Variants in CDH13 observed in about 807,000 individuals in gnomAD.
CDH13 encodes the protein cadherin 13.
In CDH13, 24 loss-of-function variants were observed where a neutral mutation model predicts 63.8. That is an observed-to-expected ratio of 0.38 (90% CI 0.27 to 0.53). The LOEUF is 0.53. Among genes scored for constraint, CDH13 ranks in the 20% least tolerant of loss-of-function variants. The pLI, the probability that CDH13 is intolerant of heterozygous loss-of-function variation, is 0.85. For missense variants in CDH13, 1,049 were observed against 903.1 expected (o/e 1.16, Z -2.07); for synonymous variants, 503 against 355.3 (o/e 1.42, Z -4.67).
intron 4 of CDH13, among the ~76,000 whole-genome samples, chr16:83,126,026 C>G (rs1024810192): frequency 2.0e-5 from 3 of 152,230 alleles, no homozygotes; most frequent in Admixed American, 6.5e-5. Flanking sequence ...GAAATAGTCA[C>G]TGTTAAATGT....
At chr16:83,611,525 G>A (rs942668743) in intron 8 of CDH13, among the ~76,000 whole-genome samples, 5 of 151,100 alleles carry the variant, frequency 3.3e-5, no homozygotes, top group African/African-American at 1.2e-4. Flanking sequence ...TTTCTCTATT[G>A]GGTGTTTCTT....
intron 1 of CDH13, among the ~76,000 whole-genome samples, chr16:82,719,705 G>A (rs1567463892): frequency 6.6e-6 from 1 of 151,984 alleles, no homozygotes; most frequent in East Asian, 1.9e-4. Flanking sequence ...ATTTATCTGG[G>A]TGTGGTGGTG....
chr16:82,957,053 T>C (rs775096028), intron 2 of CDH13, among the ~76,000 whole-genome samples: 26 of 152,274 alleles, frequency 1.7e-4, no homozygotes, highest in Non-Finnish European at 2.9e-4. Flanking sequence ...TCTTATTTTA[T>C]GGCATTTGTG....
intron 1 of CDH13, among the ~76,000 whole-genome samples, chr16:82,831,073 A>C (rs551157692): frequency 6.6e-6 from 1 of 152,146 alleles, no homozygotes; most frequent in South Asian, 2.1e-4. Flanking sequence ...TGGTCCATGG[A>C]CCAAGCAGCT....
At chr16:82,703,652 G>A (rs79371949) in intron 1 of CDH13, among the ~76,000 whole-genome samples, 17 of 152,100 alleles carry the variant, frequency 1.1e-4, no homozygotes, top group Admixed American at 1.1e-3. Flanking sequence ...CCAATAATAC[G>A]CTACTTAAGA....
chr16:82,642,668 C>T (rs987019738), intron 1 of CDH13, among the ~76,000 whole-genome samples: 2 of 152,160 alleles, frequency 1.3e-5, no homozygotes, highest in African/African-American at 4.8e-5. Flanking sequence ...TTCCCACTAC[C>T]AGTCAGATGC....
intron 1 of CDH13, among the ~76,000 whole-genome samples, chr16:82,708,847 A>G (rs2031695292): frequency 6.6e-6 from 1 of 152,210 alleles, no homozygotes; most frequent in African/African-American, 2.4e-5. Context: ...TATGTGAGAA[A>G]GTACTCTGTG....
rs539505676 is a variant in CDH13 at position 83,519,809 on chromosome 16, A to G, written c.960+33154A>G. Among the ~76,000 whole-genome samples, 81 of 152,288 alleles carry G rather than the reference A, an allele frequency of 5.3e-4. No homozygotes were observed. In the South Asian group the frequency reaches 0.016, roughly 29 times the overall value. On this transcript the variant is annotated intron_variant, in intron 7 of 13. Transcript: ENST00000567109. ...TCCCAGTGTGAATGGTGGGGGGAACAAGGGGAACTGAAAAACATGCATGAG... is the reference window on the plus strand; with the variant it reads ...TCCCAGTGTGAATGGTGGGGGGAACGAGGGGAACTGAAAAACATGCATGAG...
chr16:83,620,590 C>T (rs1425647330), intron 8 of CDH13, among the ~76,000 whole-genome samples: 1 of 152,024 alleles, frequency 6.6e-6, no homozygotes, highest in Non-Finnish European at 1.5e-5. Context: ...CATGAGTAGA[C>T]GTTTATGTAG....
chr16:83,097,170 A>G (rs567358214), intron 3 of CDH13, among the ~76,000 whole-genome samples: 1 of 152,156 alleles, frequency 6.6e-6, no homozygotes, highest in Non-Finnish European at 1.5e-5. Context: ...CTTTGTTTTT[A>G]TTATTAAAAG....
At chr16:83,604,506 T>A (rs1463258913) in intron 8 of CDH13, among the ~76,000 whole-genome samples, 1 of 152,230 alleles carries the variant, frequency 6.6e-6, no homozygotes, top group East Asian at 1.9e-4. Context: ...AAATGGTTTA[T>A]TTAACTGCAG....
chr16:82,714,364 T>C (rs889698729), intron 1 of CDH13, among the ~76,000 whole-genome samples: 17 of 152,084 alleles, frequency 1.1e-4, no homozygotes, highest in African/African-American at 4.1e-4. Context: ...GATAATCAAA[T>C]AAAAATGAGG....
At chr16:83,138,671 A>G (rs1449480844) in intron 4 of CDH13, among the ~76,000 whole-genome samples, 1 of 152,166 alleles carries the variant, frequency 6.6e-6, no homozygotes, top group Non-Finnish European at 1.5e-5. Context: ...TTTTCTACGG[A>G]TGACTAAGTG....
chr16:82,722,363 C>A (rs910124947), intron 1 of CDH13, among the ~76,000 whole-genome samples: 1 of 152,060 alleles, frequency 6.6e-6, no homozygotes, highest in Non-Finnish European at 1.5e-5. Flanking sequence ...CATGTGATAC[C>A]GGCTATTGGC....
At chr16:82,951,359 G>C (rs1032222251) in intron 2 of CDH13, among the ~76,000 whole-genome samples, 2 of 152,154 alleles carry the variant, frequency 1.3e-5, no homozygotes, top group Non-Finnish European at 2.9e-5. Context: ...CTTCCTATAA[G>C]GTGTTCTGTC....
intron 10 of CDH13, among the ~76,000 whole-genome samples, chr16:83,715,902 C>T (rs1157992455): frequency 6.6e-6 from 1 of 152,152 alleles, no homozygotes; most frequent in South Asian, 2.1e-4. Context: ...AAAAAAACAA[C>T]AGATGTCCAC....
intron 1 of CDH13, among the ~76,000 whole-genome samples, chr16:82,726,388 G>T (rs2033096089): frequency 6.6e-6 from 1 of 152,184 alleles, no homozygotes; most frequent in African/African-American, 2.4e-5. Flanking sequence ...CTTTATTGTG[G>T]ACATTGCAGC....
chr16:83,378,875 G>A (rs2091504457), intron 6 of CDH13, among the ~76,000 whole-genome samples: 1 of 152,104 alleles, frequency 6.6e-6, no homozygotes, highest in Non-Finnish European at 1.5e-5. Context: ...AGCCTTCTAA[G>A]CTCACACCAT....
intron 5 of CDH13, among the ~76,000 whole-genome samples, chr16:83,224,251 G>A (rs974993784): frequency 2.6e-4 from 39 of 152,186 alleles, no homozygotes; most frequent in African/African-American, 9.2e-4. Context: ...TTCACTCATT[G>A]ATTGATGGGC....
Sources: gnomAD v4.1 joint callset for allele counts (sites outside exome capture counted in the v4.1 genomes callset) on GRCh38, gnomAD v4.1.1 for gene constraint, MANE v1.5 for transcripts, NCBI Gene and HGNC (gene_info 2026-07-23, HGNC 2026-07-21) for gene names.